Variants in NCOA6 observed in about 807,000 individuals in gnomAD.
NCOA6 encodes the protein nuclear receptor coactivator 6, also known as NRC RAP250.
Under a neutral mutation model 171.4 loss-of-function variants are expected in NCOA6, and 49 were observed. The observed-to-expected ratio is 0.29, with a 90% CI of 0.23 to 0.36. The LOEUF (loss-of-function observed/expected upper bound fraction) is 0.36, where lower values mean the gene tolerates loss of function less well. Among genes scored for constraint, NCOA6 ranks in the 10% least tolerant of loss-of-function variants. The pLI is 1.00. For synonymous variants in NCOA6, 910 were observed against 927.5 expected (o/e 0.98, Z 0.34); for missense variants, 2,248 against 2,554.5 (o/e 0.88, Z 2.59).
chr20:34,820,194 C>G (rs1045188575), intron 1 of NCOA6: 1 of 151,824 alleles, frequency 6.6e-6, no homozygotes, highest in Non-Finnish European at 1.5e-5. Context: ...CTAGCCTGGG[C>G]AACATGGCGA....
At chr20:34,819,675 C>G (rs1311775587) in intron 1 of NCOA6, 1 of 152,144 alleles carries the variant, frequency 6.6e-6, no homozygotes, top group Non-Finnish European at 1.5e-5. Context: ...GCAAAATGAG[C>G]CCCTGCTCTG....
intron 1 of NCOA6, among the ~76,000 whole-genome samples, chr20:34,799,953 T>A (rs2078204302): frequency 6.6e-6 from 1 of 152,158 alleles, no homozygotes; most frequent in South Asian, 2.1e-4. Context: ...CAGAATATTA[T>A]AACACTGTAA....
chr20:34,818,834 T>G (rs1394675905), intron 1 of NCOA6, among the ~76,000 whole-genome samples: 1 of 152,208 alleles, frequency 6.6e-6, no homozygotes, highest in Non-Finnish European at 1.5e-5. Flanking sequence ...TTTGAGAAAA[T>G]AATACCTATA....
intron 14 of NCOA6, among the ~76,000 whole-genome samples, chr20:34,719,575 G>C (rs1219721975): frequency 2.0e-5 from 3 of 151,364 alleles, no homozygotes; most frequent in Admixed American, 2.0e-4. Flanking sequence ...AGGTTGCAGT[G>C]AGTTCAGATC....
At chr20:34,728,597 C>G (rs1211650564) in intron 13 of NCOA6, among the ~76,000 whole-genome samples, 1 of 152,174 alleles carries the variant, frequency 6.6e-6, no homozygotes, top group African/African-American at 2.4e-5. Context: ...GGCTGAGAAA[C>G]TCTGGTGTAA....
At position 34,748,462 on chromosome 20, in the gene NCOA6, C is replaced by A. The variant is rs1450134483; in HGVS notation, c.2792+941G>T. 2.6e-5 allele frequency among the ~76,000 whole-genome samples: 4 copies of A among 152,242 alleles called. No homozygotes were observed. The East Asian group carries it at 7.7e-4, about 29-fold the overall frequency. ...ATTTAAGCTGGTTGAAATAAAGTTT[C>A]TTGATTCTTTTTCTATAATTCTAAC... On this transcript the variant is annotated intron_variant, in intron 9 of 14. Coordinates refer to ENST00000359003, the MANE Select transcript of NCOA6 (RefSeq NM_014071.5).
chr20:34,824,296 C>G (rs555912630), intron 1 of NCOA6, among the ~76,000 whole-genome samples: 2 of 152,342 alleles, frequency 1.3e-5, no homozygotes, highest in East Asian at 3.9e-4. Flanking sequence ...AGTGAGGAAG[C>G]AGCCGACAAT....
intron 14 of NCOA6, among the ~76,000 whole-genome samples, chr20:34,719,296 C>G (rs1398382595): frequency 1.3e-5 from 2 of 152,100 alleles, no homozygotes; most frequent in African/African-American, 2.4e-5. Flanking sequence ...GTGCCTTTCA[C>G]TGTACTATTT....
chr20:34,803,023 C>G (rs2078308371), intron 1 of NCOA6, among the ~76,000 whole-genome samples: 1 of 151,870 alleles, frequency 6.6e-6, no homozygotes, highest in Non-Finnish European at 1.5e-5. Context: ...GTTGCCCAGG[C>G]TGGTTTCCAA....
In NCOA6 at chr20:34,746,872, C is replaced by A. The variant is rs2076319467; in HGVS notation, c.2849G>T (p.Gly950Val). 7 of 1,607,774 alleles carry A rather than the reference C, an allele frequency of 4.4e-6. No homozygotes were observed. The highest frequency in any genetic ancestry group is 6.0e-6 in the Non-Finnish European group (7 of 1,176,324). Reference sequence around the variant, plus strand: ...GTTATCCAAGTTAATTCCTTGTTCTCCAGGCAACGGTGGCTGATCAGCCTC... The same window carrying A: ...GTTATCCAAGTTAATTCCTTGTTCTACAGGCAACGGTGGCTGATCAGCCTC... ...LEEADQPPLP[G>V]EQGINLDNSG... The change falls in exon 10 of 15, where the codon GGA becomes GTA. Residue 950 changes from glycine (G) to valine (V), a missense_variant. Transcript: ENST00000359003.
rs888782138 is a variant in NCOA6, at chr20:34,785,889, A to C, written c.-49-3485T>G. On this transcript the variant is annotated intron_variant, in intron 2 of 14. Transcript: ENST00000359003. ...TTACACAGTACTTAAAAAAAAAAAA[A>C]AAAACAGAGAGAAATTGAAAGTCAG... Among the ~76,000 whole-genome samples the C allele has an allele frequency of 3.3e-5, 5 of 152,092 alleles. 1 individual carries two copies. Among genetic ancestry groups the C allele is most frequent in the Non-Finnish European group, 4.4e-5 (3 of 67,996 alleles).
intron 4 of NCOA6, among the ~76,000 whole-genome samples, chr20:34,769,287 G>T (rs2077068806): frequency 6.6e-6 from 1 of 151,912 alleles, no homozygotes; most frequent in Non-Finnish European, 1.5e-5. Flanking sequence ...TAAATTCCTG[G>T]GCCCAAGGGG....
chr20:34,759,367 T>G (rs1446699279), intron 5 of NCOA6, among the ~76,000 whole-genome samples: 1 of 152,134 alleles, frequency 6.6e-6, no homozygotes, highest in Non-Finnish European at 1.5e-5. Flanking sequence ...ACCATCTACC[T>G]TTTTAAAATT....
chr20:34,734,296 T>G (rs1234497523), intron 12 of NCOA6, among the ~76,000 whole-genome samples: 2 of 152,108 alleles, frequency 1.3e-5, no homozygotes, highest in African/African-American at 4.8e-5. Flanking sequence ...ACTCCTGGCC[T>G]CAAGTGATCT....
At chr20:34,730,948 C>G (rs953937293) in intron 13 of NCOA6, among the ~76,000 whole-genome samples, 3 of 152,124 alleles carry the variant, frequency 2.0e-5, no homozygotes, top group African/African-American at 7.2e-5. Flanking sequence ...CTCAAGCCAT[C>G]TGCCTACCTC....
At chr20:34,795,304 GA>G (rs767950185) in intron 1 of NCOA6, among the ~76,000 whole-genome samples, 2 of 152,216 alleles carry the variant, frequency 1.3e-5, no homozygotes, top group Non-Finnish European at 2.9e-5. Context: ...ATAATGGGAA[GA>G]TGTGACAGTC....
chr20:34,747,155 A>T (rs1033280483), intron 9 of NCOA6, among the ~76,000 whole-genome samples: 5 of 152,242 alleles, frequency 3.3e-5, no homozygotes, highest in Non-Finnish European at 5.9e-5. Flanking sequence ...GTATTTACTC[A>T]GAATGCTTTC....
chr20:34,757,183 C>A, intron 7 of NCOA6, 37 bp downstream of exon 7: 1 of 1,512,642 alleles, frequency 6.6e-7, no homozygotes, highest in Non-Finnish European at 8.8e-7. Context: ...CTAGCTCCAG[C>A]AAATTTACCA....
At chr20:34,809,299 GC>G (rs1386120082) in intron 1 of NCOA6, among the ~76,000 whole-genome samples, 1 of 152,134 alleles carries the variant, frequency 6.6e-6, no homozygotes, top group Non-Finnish European at 1.5e-5. Context: ...CAACCCACAT[GC>G]CAAATGCAGC....
Sources: gnomAD v4.1 joint callset for allele counts (sites outside exome capture counted in the v4.1 genomes callset) on GRCh38, gnomAD v4.1.1 for gene constraint, MANE v1.5 for transcripts, NCBI Gene and HGNC (gene_info 2026-07-23, HGNC 2026-07-21) for gene names.